Variants in TCF4 observed in about 807,000 individuals in gnomAD.
TCF4 encodes the protein transcription factor 4, also known as SL3-3 enhancer factor 2.
Under a neutral mutation model 82.1 loss-of-function variants are expected in TCF4, and 3 were observed. The observed-to-expected ratio is 0.04, with a 90% CI of 0.02 to 0.09. The LOEUF (loss-of-function observed/expected upper bound fraction) is 0.09, where lower values mean the gene tolerates loss of function less well. Among genes scored for constraint, TCF4 ranks in the 10% least tolerant of loss-of-function variants. TCF4 has a pLI of 1.00. For missense variants in TCF4, 518 were observed against 852.7 expected (o/e 0.61, Z 4.89); for synonymous variants, 276 against 309.6 (o/e 0.89, Z 1.14).
At chr18:55,538,827 G>A (rs1213182090) in intron 3 of TCF4, among the ~76,000 whole-genome samples, 3 of 152,122 alleles carry the variant, frequency 2.0e-5, no homozygotes, top group African/African-American at 7.2e-5. Context: ...GATTTTACAG[G>A]CGAAAATGAA....
intron 2 of TCF4, among the ~76,000 whole-genome samples, chr18:55,625,637 GTAAGTT>G (rs1490518999): frequency 6.6e-6 from 1 of 152,136 alleles, no homozygotes; most frequent in African/African-American, 2.4e-5. Context: ...TCCCAGCAAT[GTAAGTT>G]TATTTTACCT....
intron 8 of TCF4, among the ~76,000 whole-genome samples, chr18:55,301,816 G>T (rs1365661886): frequency 2.1e-5 from 3 of 141,640 alleles, no homozygotes; most frequent in East Asian, 2.0e-4. Context: ...AAAAAAAGTG[G>T]GGGGGGATTC....
intron 8 of TCF4, among the ~76,000 whole-genome samples, chr18:55,287,563 A>T (rs761926717): frequency 6.6e-6 from 1 of 152,196 alleles, no homozygotes; most frequent in Non-Finnish European, 1.5e-5. Flanking sequence ...AGGAGACGGC[A>T]CCAGGAAGCA....
intron 3 of TCF4, among the ~76,000 whole-genome samples, chr18:55,473,273 T>C (rs986114961): frequency 1.1e-4 from 17 of 152,148 alleles, no homozygotes; most frequent in African/African-American, 4.1e-4. Context: ...AATTGAAATA[T>C]CTGTAGGCTG....
At chr18:55,260,800 TC>T (rs752992777) in intron 12 of TCF4, among the ~76,000 whole-genome samples, 14 of 152,220 alleles carry the variant, frequency 9.2e-5, no homozygotes, top group Middle Eastern at 3.4e-3. Context: ...CCTCAAGTGA[TC>T]CTCCCACCTC....
chr18:55,443,511 T>C (rs767923392), intron 5 of TCF4, among the ~76,000 whole-genome samples: 2 of 152,184 alleles, frequency 1.3e-5, no homozygotes, highest in Admixed American at 6.5e-5. Context: ...AAGAGACATA[T>C]TTTCAGGTAA....
chr18:55,538,067 C>G (rs1433504757), intron 3 of TCF4, among the ~76,000 whole-genome samples: 2 of 150,242 alleles, frequency 1.3e-5, no homozygotes, highest in South Asian at 4.2e-4. Context: ...CACACACACA[C>G]GTCATTAGTT....
intron 15 of TCF4, among the ~76,000 whole-genome samples, chr18:55,237,591 T>A (rs1326876028): frequency 1.4e-5 from 2 of 147,222 alleles, no homozygotes; most frequent in Non-Finnish European, 3.0e-5. Context: ...TGTTTCAGCC[T>A]CCCAAGTAAC....
intron 2 of TCF4, among the ~76,000 whole-genome samples, chr18:55,609,960 C>CA (rs751824401): frequency 1.3e-5 from 2 of 152,060 alleles, no homozygotes; most frequent in Non-Finnish European, 2.9e-5. Flanking sequence ...TCTGTAGTAC[C>CA]ATATGTTTTA....
chr18:55,337,009 C>T (rs1265381239), intron 8 of TCF4, among the ~76,000 whole-genome samples: 1 of 152,034 alleles, frequency 6.6e-6, no homozygotes, highest in African/African-American at 2.4e-5. Context: ...ACAAACAGAA[C>T]ATTTAAAATG....
chr18:55,424,998 T>C (rs899185370), intron 5 of TCF4, among the ~76,000 whole-genome samples: 3 of 152,242 alleles, frequency 2.0e-5, no homozygotes, highest in Non-Finnish European at 4.4e-5. Flanking sequence ...AAAGGATTTA[T>C]GTCCCAAAAT....
intron 3 of TCF4, among the ~76,000 whole-genome samples, chr18:55,471,110 C>T (rs1403930158): frequency 1.3e-5 from 2 of 152,108 alleles, no homozygotes; most frequent in African/African-American, 2.4e-5. Context: ...CAGCAAAGAG[C>T]GTGTTAAGGA....
intron 3 of TCF4, among the ~76,000 whole-genome samples, chr18:55,520,025 C>T (rs1237760621): frequency 6.6e-6 from 1 of 152,162 alleles, no homozygotes; most frequent in Non-Finnish European, 1.5e-5. Flanking sequence ...GACCTCCCCA[C>T]ACCCAGTACA....
At chr18:55,511,346 A>AAAAAAC (rs1555713661) in intron 3 of TCF4, among the ~76,000 whole-genome samples, 12 of 151,102 alleles carry the variant, frequency 7.9e-5, no homozygotes, top group African/African-American at 2.7e-4. Context: ...AAAAAAAAAA[A>AAAAAAC]AAAAGCATTC....
At chr18:55,398,680 T>C (rs1012201836) in intron 6 of TCF4, among the ~76,000 whole-genome samples, 1 of 152,214 alleles carries the variant, frequency 6.6e-6, no homozygotes. Context: ...ATATGGTTCA[T>C]GTACATTGCT....
chr18:55,415,908 T>C (rs1271858781), intron 5 of TCF4, among the ~76,000 whole-genome samples: 2 of 152,190 alleles, frequency 1.3e-5, no homozygotes, highest in African/African-American at 4.8e-5. Flanking sequence ...TGTATATTTC[T>C]GTGTGTCTTA....
intron 6 of TCF4, among the ~76,000 whole-genome samples, chr18:55,378,941 T>C (rs2091388295): frequency 6.6e-6 from 1 of 152,176 alleles, no homozygotes; most frequent in Non-Finnish European, 1.5e-5. Flanking sequence ...CAAAAGTTGT[T>C]TGAACAAAGG....
intron 11 of TCF4, chr18:55,265,948 T>C (rs999818058): frequency 2.0e-5 from 3 of 152,198 alleles, no homozygotes; most frequent in African/African-American, 4.8e-5. Flanking sequence ...AGTTAAAGAC[T>C]AATAAAACAA....
intron 6 of TCF4, among the ~76,000 whole-genome samples, chr18:55,365,191 A>ATGTGTGTG (rs1220531145): frequency 2.3e-4 from 23 of 97,896 alleles, no homozygotes; most frequent in African/African-American, 1.0e-3. Flanking sequence ...ATATATATAT[A>ATGTGTGTG]TGTGTGTGTG....
Sources: gnomAD v4.1 joint callset for allele counts (sites outside exome capture counted in the v4.1 genomes callset) on GRCh38, gnomAD v4.1.1 for gene constraint, MANE v1.5 for transcripts, NCBI Gene and HGNC (gene_info 2026-07-23, HGNC 2026-07-21) for gene names.